The following TRIM37 variants were observed in gnomAD, a reference collection of about 807,000 sequenced individuals.
TRIM37 encodes the protein E3 ubiquitin-protein ligase TRIM37.
Under a neutral mutation model 129.8 loss-of-function variants are expected in TRIM37, and 80 were observed. The observed-to-expected ratio is 0.62, with a 90% CI of 0.51 to 0.74. The LOEUF (loss-of-function observed/expected upper bound fraction) is 0.74, where lower values mean the gene tolerates loss of function less well. Ranked by LOEUF, TRIM37 falls within the 30% of genes least tolerant of loss-of-function variation. The probability of loss-of-function intolerance (pLI) is 0.00; values close to 1 mark genes in which losing one functional copy is unlikely to be tolerated. For synonymous variants in TRIM37, 389 were observed against 387.1 expected (o/e 1.00, Z -0.06); for missense variants, 1,054 against 1,176.5 (o/e 0.90, Z 1.52).
intron 17 of TRIM37, among the ~76,000 whole-genome samples, chr17:59,037,557 C>CAAAAAAAAGAAAAAAAA (rs2038676145): frequency 1.4e-5 from 1 of 73,998 alleles, no homozygotes; most frequent in Non-Finnish European, 2.6e-5. Context: ...GACTCTGTCT[C>CAAAAAAAAGAAAAAAAA]AAAAAAAAAA....
At chr17:58,981,075 A>G (rs1195498751), downstream of TRIM37, 2 of 1,350,184 alleles carry the variant, frequency 1.5e-6, no homozygotes, top group African/African-American at 1.5e-5. Flanking sequence ...CAATAAAAAT[A>G]CCACTATCAG....
At chr17:59,032,184 T>C (rs550910362) in intron 17 of TRIM37, 94 bp from the exon 18 acceptor site, 16 of 1,281,396 alleles carry the variant, frequency 1.2e-5, no homozygotes, top group Non-Finnish European at 1.8e-5. Flanking sequence ...TGAATACTTG[T>C]CTATGGACCT....
At chr17:59,058,202 A>G (rs1224699664) in intron 12 of TRIM37, among the ~76,000 whole-genome samples, 1 of 152,256 alleles carries the variant, frequency 6.6e-6, no homozygotes, top group African/African-American at 2.4e-5. Context: ...CAGCCATAAA[A>G]AAGAACGAGA....
chr17:58,970,964 G>GTGTTGT, the TRIM37 span, among the ~76,000 whole-genome samples: 1 of 151,690 alleles, frequency 6.6e-6, no homozygotes, highest in Non-Finnish European at 1.5e-5. Context: ...TCAAAATTAT[G>GTGTTGT]TGTTGTTGTT....
At chr17:59,096,908 A>C (rs914273966) in intron 2 of TRIM37, among the ~76,000 whole-genome samples, 2 of 152,182 alleles carry the variant, frequency 1.3e-5, no homozygotes, top group Non-Finnish European at 2.9e-5. Context: ...AATTCAACAG[A>C]CTATTTAAAA....
At chr17:58,979,050 T>C (rs576146889), downstream of TRIM37, among the ~76,000 whole-genome samples, 1 of 152,286 alleles carries the variant, frequency 6.6e-6, no homozygotes, top group Admixed American at 6.5e-5. Context: ...TGGTGATAAC[T>C]AACTTACCCT....
chr17:59,012,630 C>G (rs2035436459), intron 21 of TRIM37, among the ~76,000 whole-genome samples, 184 bp from the exon 22 acceptor site: 1 of 152,152 alleles, frequency 6.6e-6, no homozygotes, highest in Non-Finnish European at 1.5e-5. Context: ...GTAATCCCAG[C>G]ACTTTGGGAG....
Position 59,057,052 on chromosome 17 carries a change from T to A in TRIM37, c.1022A>T (p.Tyr341Phe). ...LSAGLPETSKYEYRVEMVHQS... is the reference protein window; with the variant it reads ...LSAGLPETSKFEYRVEMVHQS... ...GTGAACCATCTCTACACGATATTCA[T>A]ATCTAAAATTGAAAAACAGACCATT... The change falls in exon 13 of 24, where the codon TAT becomes TTT. Residue 341 changes from tyrosine (Y) to phenylalanine (F), a missense_variant and splice_region_variant. Physicochemically the swap from Tyr to Phe is conservative, Grantham distance 22. Transcript: ENST00000262294. The A allele has an allele frequency of 1.2e-6, 2 of 1,613,512 alleles. No individual in the cohort carries two copies. The highest frequency in any genetic ancestry group is 1.7e-6 in the Non-Finnish European group (2 of 1,179,674).
intron 2 of TRIM37, among the ~76,000 whole-genome samples, chr17:59,103,364 C>T (rs2045694415): frequency 6.6e-6 from 1 of 151,936 alleles, no homozygotes; most frequent in African/African-American, 2.4e-5. Flanking sequence ...TTTTTTGAGA[C>T]AGAGTCTCGC....
At chr17:59,051,408 G>A in intron 13 of TRIM37, 80 bp from the exon 14 acceptor site, 1 of 1,022,372 alleles carries the variant, frequency 9.8e-7, no homozygotes, top group Non-Finnish European at 1.5e-6. Context: ...CTGCAATTTG[G>A]GTTAACTTGA....
chr17:59,089,679 A>G (rs2044112167), intron 3 of TRIM37, among the ~76,000 whole-genome samples: 1 of 152,124 alleles, frequency 6.6e-6, no homozygotes. Flanking sequence ...ATATAGCCAC[A>G]CTAGACACAT....
chr17:58,983,615 G>C (rs535949090), intron 24 of TRIM37: 1 of 152,692 alleles, frequency 6.5e-6, no homozygotes, highest in East Asian at 1.9e-4. Flanking sequence ...AAAAATATTA[G>C]ACAGATATAA....
At chr17:59,046,051 T>C (rs2039765687) in intron 16 of TRIM37, among the ~76,000 whole-genome samples, 1 of 152,106 alleles carries the variant, frequency 6.6e-6, no homozygotes, top group African/African-American at 2.4e-5. Context: ...TGAAATTCAT[T>C]AGTTCATCAA....
intron 19 of TRIM37, among the ~76,000 whole-genome samples, chr17:59,022,779 A>T (rs944837266): frequency 3.3e-5 from 5 of 152,200 alleles, no homozygotes; most frequent in African/African-American, 1.2e-4. Flanking sequence ...AGAAATACAG[A>T]TGTACAATAA....
At chr17:59,024,353 C>T (rs923033156) in intron 19 of TRIM37, among the ~76,000 whole-genome samples, 5 of 151,700 alleles carry the variant, frequency 3.3e-5, no homozygotes, top group Admixed American at 6.6e-5. Flanking sequence ...ACAACAGCTA[C>T]CTAAGATATA....
At chr17:59,092,660 T>G (rs1031793423) in intron 2 of TRIM37, among the ~76,000 whole-genome samples, 24 of 152,220 alleles carry the variant, frequency 1.6e-4, no homozygotes, top group Middle Eastern at 6.8e-3. Context: ...GATAAATAGG[T>G]TCAGAGGTAA....
At chr17:58,972,101 C>T in the TRIM37 span, 6 of 1,585,830 alleles carry the variant, frequency 3.8e-6, no homozygotes, top group Non-Finnish European at 4.3e-6. Flanking sequence ...TTTCTTTTCA[C>T]TGAGTCTAGT....
chr17:59,028,301 T>C, intron 19 of TRIM37, 114 bp downstream of exon 19: 1 of 965,404 alleles, frequency 1.0e-6, no homozygotes, highest in South Asian at 1.5e-5. Context: ...ACATGTAATT[T>C]GTAGTCTTAA....
chr17:59,068,455 C>T (rs1313296897), intron 9 of TRIM37, among the ~76,000 whole-genome samples: 1 of 152,164 alleles, frequency 6.6e-6, no homozygotes, highest in Non-Finnish European at 1.5e-5. Flanking sequence ...TTATATATGA[C>T]CCTTAGGTCA....
Sources: gnomAD v4.1 joint callset for allele counts (sites outside exome capture counted in the v4.1 genomes callset) on GRCh38, gnomAD v4.1.1 for gene constraint, MANE v1.5 for transcripts, NCBI Gene and HGNC (gene_info 2026-07-23, HGNC 2026-07-21) for gene names.